The following TMEM11 variants were observed in gnomAD, a reference collection of about 807,000 sequenced individuals.
The protein encoded by TMEM11 is transmembrane protein 11.
A neutral mutation model predicts 17.0 loss-of-function variants in TMEM11; 1 was observed. The ratio of observed to expected loss-of-function variants is 0.06; its 90% CI spans 0.02 to 0.28. The LOEUF is 0.28. Among genes scored for constraint, TMEM11 ranks in the 10% least tolerant of loss-of-function variants. The pLI is 1.00. For missense variants in TMEM11, 172 were observed against 252.9 expected (o/e 0.68, Z 2.17); for synonymous variants, 122 against 118.1 (o/e 1.03, Z -0.21).
At position 21,198,771 on chromosome 17, in the gene TMEM11, C is replaced by A; in HGVS notation, c.132G>T (p.Gln44His). ...EIYNGENAQD[Q>H]FEYELEQALE... ...GGGCCTGCTCCAGCTCGTACTCAAA[C>A]TGGTCTTGGGCATTCTCCCCATTGT... is the stretch of plus-strand genomic sequence containing the variant. Residue 44 changes from glutamine to histidine, a missense_variant, in exon 2 of 2, where the codon CAG (glutamine) becomes CAT (histidine). Physicochemically the swap from Gln to His is conservative, Grantham distance 24 (BLOSUM62 0). Around this residue, in one of 2 missense-constraint regions of TMEM11, gnomAD observed 123 missense variants for 213.6 expected, o/e 0.58. Coordinates refer to ENST00000317635, the MANE Select transcript of TMEM11 (RefSeq NM_003876.3). The surrounding 1 kb of genome is among the most constrained non-coding windows in gnomAD (Gnocchi z 6.5). The A allele has an allele frequency of 6.2e-7, 1 of 1,614,094 alleles. No individual in the cohort carries two copies. Among genetic ancestry groups the A allele is most frequent in the Non-Finnish European group, 8.5e-7 (1 of 1,180,048 alleles).
At chr17:21,213,012 C>G (rs551737538) in intron 1 of TMEM11, 1 of 152,328 alleles carries the variant, frequency 6.6e-6, no homozygotes, top group South Asian at 2.1e-4. Flanking sequence ...TCACAACTGC[C>G]AAACAGGAAG....
In TMEM11 at chr17:21,214,138, T is replaced by C; in HGVS notation, c.15A>G (p.Gly5=). 13 of 1,612,328 alleles carry C rather than the reference T, an allele frequency of 8.1e-6. No individual in the cohort carries two copies. Among genetic ancestry groups the C allele is most frequent in the Non-Finnish European group, 1.1e-5 (13 of 1,179,630 alleles). Residue 5 remains glycine (G), a synonymous_variant, in exon 1 of 2, where the codon GGA becomes GGG. Coordinates refer to ENST00000317635, the MANE Select transcript of TMEM11 (RefSeq NM_003876.3). MAAW[G]RRRLGPGSSG... ...TGCTGCCCGGGCCAAGACGCCTCCTTCCCCAAGCGGCCATCTTGGAGACAC... is the reference window on the plus strand; with the variant it reads ...TGCTGCCCGGGCCAAGACGCCTCCTCCCCCAAGCGGCCATCTTGGAGACAC...
rs571397881 is a variant in TMEM11, at chr17:21,201,764, G to A, written c.63-2924C>T. Reference sequence around the variant, plus strand: ...TGCCTCCCGAGTAGCTGGGACTACAGGTATGTGCCACCACGCCTGGCTGCC... The same window carrying A: ...TGCCTCCCGAGTAGCTGGGACTACAAGTATGTGCCACCACGCCTGGCTGCC... On this transcript the variant is annotated intron_variant, in intron 1 of 1. Transcript: ENST00000317635. Among the ~76,000 whole-genome samples the A allele has an allele frequency of 3.9e-5, 6 of 152,250 alleles. No individual in the cohort carries two copies. In the South Asian group the frequency reaches 1.2e-3, roughly 32 times the overall value.
intron 1 of TMEM11, among the ~76,000 whole-genome samples, chr17:21,209,821 T>C (rs1287978395): frequency 1.3e-5 from 2 of 152,170 alleles, no homozygotes; most frequent in African/African-American, 4.8e-5. Context: ...ACGTGGCTAA[T>C]GGCTGCCCTA....
chr17:21,207,476 C>T (rs1286906764), intron 1 of TMEM11, among the ~76,000 whole-genome samples: 1 of 151,770 alleles, frequency 6.6e-6, no homozygotes, highest in Non-Finnish European at 1.5e-5. Flanking sequence ...TGCAGTAAAC[C>T]GAGACTGCAC....
Position 21,198,704 on chromosome 17 carries a change from T to A in TMEM11, c.199A>T (p.Ile67Phe). 1 of 1,614,134 alleles carries A rather than the reference T, an allele frequency of 6.2e-7. No individual in the cohort carries two copies. The highest frequency in any genetic ancestry group is 8.5e-7 in the Non-Finnish European group (1 of 1,180,050). Residue 67 changes from isoleucine to phenylalanine, a missense_variant, in exon 2 of 2, where the codon ATT (isoleucine) becomes TTT (phenylalanine). Transcript: ENST00000317635. The surrounding 1 kb of genome is among the most constrained non-coding windows in gnomAD (Gnocchi z 6.5). Reference sequence around the variant, plus strand: ...ATCCAGCGGGCTGTCTCGTCGCCAATGCGAGTGGGCTCAATCACAATGTAC... The same window carrying A: ...ATCCAGCGGGCTGTCTCGTCGCCAAAGCGAGTGGGCTCAATCACAATGTAC... Reference protein sequence around the residue: ...YKYIVIEPTRIGDETARWITV... With the variant: ...YKYIVIEPTRFGDETARWITV...
At chr17:21,205,687 A>G (rs1471029496) in intron 1 of TMEM11, among the ~76,000 whole-genome samples, 1 of 151,992 alleles carries the variant, frequency 6.6e-6, no homozygotes, top group Non-Finnish European at 1.5e-5. Flanking sequence ...AACTCTACCC[A>G]TGAAATGATC....
chr17:21,200,942 C>G (rs1463526666), intron 1 of TMEM11, among the ~76,000 whole-genome samples: 1 of 152,190 alleles, frequency 6.6e-6, no homozygotes, highest in Non-Finnish European at 1.5e-5. Context: ...AAGGTAACTC[C>G]CTCCAGCCTC....
At chr17:21,206,513 G>A (rs958423031) in intron 1 of TMEM11, among the ~76,000 whole-genome samples, 5 of 151,936 alleles carry the variant, frequency 3.3e-5, no homozygotes, top group African/African-American at 1.2e-4. Context: ...CATTGTACCT[G>A]GTCTCATTTT....
In TMEM11 at chr17:21,211,305, C is replaced by T. The variant is rs1030260835; in HGVS notation, c.62+2786G>A. ...CTATTTCCACCCCTCCTATCTTAGT[C>T]GAAACCAGCACTGTCCATATCATAA... On this transcript the variant is annotated intron_variant, in intron 1 of 1. Coordinates refer to ENST00000317635, the MANE Select transcript of TMEM11 (RefSeq NM_003876.3). The T allele has an allele frequency of 2.1e-5, 22 of 1,072,330 alleles. No individual in the cohort carries two copies. In the Admixed American group the frequency reaches 4.0e-4, roughly 20 times the overall value. 66.4% of individuals were successfully genotyped at this position (1,072,330 alleles called of 1,614,324 possible).
chr17:21,210,958 C>G (rs1427057183), intron 1 of TMEM11: 1 of 1,288,264 alleles, frequency 7.8e-7, no homozygotes, highest in Non-Finnish European at 1.0e-6. Flanking sequence ...ACGGAGGGCT[C>G]TGGGAGGTTC....
chr17:21,210,795 C>T (rs933128264), intron 1 of TMEM11: 4 of 887,390 alleles, frequency 4.5e-6, no homozygotes, highest in African/African-American at 1.8e-5. Context: ...CAAATAACTT[C>T]GCGCTAAACC....
In TMEM11 at chr17:21,214,121, G is replaced by T; in HGVS notation, c.32C>A (p.Pro11Gln). The change falls in exon 1 of 2, where the codon CCG (proline) becomes CAG (glutamine). Residue 11 changes from proline (P) to glutamine (Q), a missense_variant. Physicochemically the swap from Pro to Gln is moderately conservative, Grantham distance 76. Around this residue, in one of 2 missense-constraint regions of TMEM11, gnomAD observed 49 missense variants for 39.3 expected, o/e 1.25. Transcript: ENST00000317635. ...TCGGGCGCTGCCGCCACTGCTGCCC[G>T]GGCCAAGACGCCTCCTTCCCCAAGC... Reference protein sequence around the residue: MAAWGRRRLGPGSSGGSARER... With the variant: MAAWGRRRLGQGSSGGSARER... 1.9e-6 allele frequency: 3 copies of T among 1,612,100 alleles called. No individual in the cohort carries two copies. Among genetic ancestry groups the T allele is most frequent in the Middle Eastern group, 1.7e-4 (1 of 5,734 alleles).
chr17:21,199,402 C>T (rs1974858227), intron 1 of TMEM11, among the ~76,000 whole-genome samples: 1 of 151,222 alleles, frequency 6.6e-6, no homozygotes, highest in African/African-American at 2.4e-5. Flanking sequence ...AAACACAGGC[C>T]TGGTGGTTAG....
chr17:21,210,820 C>T (rs1478796655), intron 1 of TMEM11: 30 of 1,045,492 alleles, frequency 2.9e-5, no homozygotes, highest in Middle Eastern at 4.3e-4. Context: ...CTTTTAGCCC[C>T]GTGCATCTGG....
At chr17:21,210,799 C>T in intron 1 of TMEM11, 1 of 946,384 alleles carries the variant, frequency 1.1e-6, no homozygotes, top group Non-Finnish European at 1.4e-6. Flanking sequence ...TAACTTCGCG[C>T]TAAACCTGAA....
Position 21,198,926 on chromosome 17 carries a change from G to A in TMEM11, c.63-86C>T, listed in dbSNP as rs953138074. 3.4e-5 allele frequency: 50 copies of A among 1,467,808 alleles called. No homozygotes were observed. In the African/African-American group the frequency reaches 6.4e-4, roughly 19 times the overall value. 90.9% of individuals were successfully genotyped at this position (1,467,808 alleles called of 1,614,324 possible). A position where few individuals can be genotyped will look rare whatever the true frequency, so the allele number is the denominator to read the frequency against. The stretch of plus-strand genomic sequence containing the variant: ...AGCACTTAACTGTGTTTCAGCGCTG[G>A]GGGAGGTCTGAGCCTGCACTGCGGA... On this transcript the variant is annotated intron_variant, in intron 1 of 1. Coordinates refer to ENST00000317635, the MANE Select transcript of TMEM11 (RefSeq NM_003876.3). The surrounding 1 kb of genome is among the most constrained non-coding windows in gnomAD (Gnocchi z 6.5).
At position 21,213,029 on chromosome 17, in the gene TMEM11, C is replaced by G. The variant is rs1433699194; in HGVS notation, c.62+1062G>C. ...ACAACTGCCAAACAGGAAGAATCTTCCCAGCTGGGAAAGCCATCTGCAAGC... is the reference window on the plus strand; with the variant it reads ...ACAACTGCCAAACAGGAAGAATCTTGCCAGCTGGGAAAGCCATCTGCAAGC... On this transcript the variant is annotated intron_variant, in intron 1 of 1. Coordinates refer to ENST00000317635, the MANE Select transcript of TMEM11 (RefSeq NM_003876.3). The G allele has an allele frequency of 2.0e-5, 3 of 152,330 alleles. No individual in the cohort carries two copies. The East Asian group carries it at 5.8e-4, about 29-fold the overall frequency. 9.4% of individuals were successfully genotyped at this position (152,330 alleles called of 1,614,324 possible).
Position 21,198,732 on chromosome 17 carries a change from G to A in TMEM11, c.171C>T (p.Tyr57=). The A allele has an allele frequency of 1.2e-6, 2 of 1,614,154 alleles. No individual in the cohort carries two copies. Among genetic ancestry groups the A allele is most frequent in the South Asian group, 1.1e-5 (1 of 91,090 alleles). The part of the protein sequence containing the change: ...YELEQALEAQ[Y]KYIVIEPTRI... Reference sequence around the variant, plus strand: ...GAGTGGGCTCAATCACAATGTACTTGTACTGGGCTTCCAGGGCCTGCTCCA... The same window carrying A: ...GAGTGGGCTCAATCACAATGTACTTATACTGGGCTTCCAGGGCCTGCTCCA... Residue 57 remains tyrosine (Y), a synonymous_variant, in exon 2 of 2, where the codon TAC becomes TAT. Transcript: ENST00000317635. This position sits in a 1 kb window ranked among gnomAD's most constrained non-coding sequence, Gnocchi z 6.5.
Sources: gnomAD v4.1 joint callset for allele counts (sites outside exome capture counted in the v4.1 genomes callset) on GRCh38, gnomAD v4.1.1 for gene constraint, gnomAD v4.1.1 regional missense constraint, Gnocchi (gnomAD v3.1) non-coding constraint, MANE v1.5 for transcripts, NCBI Gene and HGNC (gene_info 2026-07-23, HGNC 2026-07-21) for gene names.